Variants in TRHDE observed in about 807,000 individuals in gnomAD.
TRHDE encodes the protein thyrotropin releasing hormone degrading enzyme.
In TRHDE, 72 loss-of-function variants were observed where a neutral mutation model predicts 125.7. That is an observed-to-expected ratio of 0.57 (90% confidence interval 0.47 to 0.70). The LOEUF (loss-of-function observed/expected upper bound fraction) is 0.70, where lower values mean the gene tolerates loss of function less well. Ranked by LOEUF, TRHDE falls within the 30% of genes least tolerant of loss-of-function variation. The probability of loss-of-function intolerance (pLI) is 0.00; values close to 1 mark genes in which losing one functional copy is unlikely to be tolerated. For missense variants in TRHDE, 1,110 were observed against 1,327.1 expected (o/e 0.84, Z 2.54); for synonymous variants, 509 against 509.1 (o/e 1.00, Z 0.00).
Position 72,512,464 on chromosome 12 carries a change from T to TA in TRHDE, c.1722+12829_1722+12830insA, listed in dbSNP as rs1491588291. On this transcript the variant is annotated intron_variant, in intron 6 of 18. Transcript: ENST00000261180. Reference sequence around the variant, plus strand: ...GTTATAATTATATAATTATAATATATTATATAGTTATAATTATATAATAAT... The same window carrying TA: ...GTTATAATTATATAATTATAATATATATATATAGTTATAATTATATAATAAT... 7.4e-3 allele frequency among the ~76,000 whole-genome samples: 1,039 copies of TA among 140,046 alleles called. 19 individuals carry two copies. Among genetic ancestry groups the TA allele is most frequent in the African/African-American group, 0.025 (973 of 38,178 alleles). The allele number at this position is 140,046 out of a possible 152,430, so 91.9% of individuals were successfully genotyped here.
In TRHDE at chr12:72,105,434, G is replaced by A. The variant is rs1875164598; in HGVS notation, n.175-214G>A. Among the ~76,000 whole-genome samples the A allele has an allele frequency of 4.6e-5, 7 of 152,150 alleles. No individual in the cohort carries two copies. The South Asian group carries it at 1.4e-3, about 31-fold the overall frequency. ...GAGCAGAGCTGGTCTGTGTTTGGGA[G>A]TAGAAAGAAAGTGGAGGAAAAGTAA... On this transcript the variant is annotated intron_variant and non_coding_transcript_variant, in intron 1 of 4. Coordinates refer to the TRHDE transcript ENST00000548156.
chr12:72,362,877 A>G (rs1454312862), intron 2 of TRHDE, among the ~76,000 whole-genome samples: 5 of 151,992 alleles, frequency 3.3e-5, no homozygotes, highest in Non-Finnish European at 5.9e-5. Context: ...ATAGTTGTAG[A>G]TACGCGACAT....
At chr12:72,188,421 A>C (rs1877271040) in intron 2 of TRHDE, among the ~76,000 whole-genome samples, 1 of 152,266 alleles carries the variant, frequency 6.6e-6, no homozygotes, top group African/African-American at 2.4e-5. Flanking sequence ...CTCAGCTATC[A>C]AGATCTGTTT....
At chr12:72,346,170 G>A (rs1870320039) in intron 2 of TRHDE, among the ~76,000 whole-genome samples, 1 of 152,026 alleles carries the variant, frequency 6.6e-6, no homozygotes, top group African/African-American at 2.4e-5. Flanking sequence ...TGGACGTTGA[G>A]GCCTGTTGTG....
At chr12:72,475,988 C>T (rs1015794998) in intron 5 of TRHDE, among the ~76,000 whole-genome samples, 1 of 152,096 alleles carries the variant, frequency 6.6e-6, no homozygotes, top group Non-Finnish European at 1.5e-5. Flanking sequence ...ACGATCTTGG[C>T]TCACTGCAAT....
chr12:72,662,783 C>T (rs1279101903), intron 18 of TRHDE, among the ~76,000 whole-genome samples: 1 of 152,066 alleles, frequency 6.6e-6, no homozygotes, highest in Non-Finnish European at 1.5e-5. Flanking sequence ...AAACATGAAG[C>T]TGAATTTGGA....
intron 2 of TRHDE, among the ~76,000 whole-genome samples, chr12:72,337,995 A>T (rs1466973718): frequency 1.5e-5 from 1 of 66,150 alleles, no homozygotes; most frequent in African/African-American, 4.1e-5. Flanking sequence ...AGAACTCGGA[A>T]AAAAAAGCAA....
Position 72,668,402 on chromosome 12 carries a change from T to C in TRHDE, c.*5207T>C, listed in dbSNP as rs1875172493. ...GGTTTTTCACCACTGGCCCCACTAG[T>C]AGATGATTTTACCCCAGATTTTGAA... On this transcript the variant is annotated 3_prime_UTR_variant, in exon 19 of 19. Coordinates refer to ENST00000261180, the MANE Select transcript of TRHDE (RefSeq NM_013381.3). 6.6e-6 allele frequency: 1 copy of C among 151,710 alleles called. No individual in the cohort carries two copies. 9.4% of individuals were successfully genotyped at this position (151,710 alleles called of 1,614,324 possible). A position where few individuals can be genotyped will look rare whatever the true frequency, so the allele number is the denominator to read the frequency against.
chr12:72,409,963 AAAG>A (rs371270890), intron 3 of TRHDE, among the ~76,000 whole-genome samples: 267 of 152,220 alleles, frequency 1.8e-3, no homozygotes, highest in Non-Finnish European at 2.7e-3. Context: ...AACTATCAAA[AAAG>A]AAGTTATCAA....
At chr12:72,355,691 A>T (rs903753335) in intron 2 of TRHDE, among the ~76,000 whole-genome samples, 28 of 151,946 alleles carry the variant, frequency 1.8e-4, no homozygotes, top group African/African-American at 6.0e-4. Flanking sequence ...TCTACAAGGA[A>T]CTTAAACAAA....
intron 2 of TRHDE, chr12:72,140,008 C>T (rs1417596192): frequency 6.6e-6 from 1 of 152,108 alleles, no homozygotes; most frequent in African/African-American, 2.4e-5. Context: ...TGAAAGAGAT[C>T]GAAGTATTTT....
intron 1 of TRHDE, among the ~76,000 whole-genome samples, chr12:72,092,520 G>A (rs371730994): frequency 2.6e-5 from 4 of 152,142 alleles, no homozygotes; most frequent in Non-Finnish European, 4.4e-5. Context: ...GTCTCCATAC[G>A]CAGACAGGTC....
chr12:72,139,702 G>A (rs1464485550), intron 2 of TRHDE, among the ~76,000 whole-genome samples: 1 of 152,116 alleles, frequency 6.6e-6, no homozygotes, highest in African/African-American at 2.4e-5. Context: ...CTAAAGTATT[G>A]CTGGATCAGT....
intron 2 of TRHDE, among the ~76,000 whole-genome samples, chr12:72,288,531 A>G (rs1184596487): frequency 6.6e-6 from 1 of 152,144 alleles, no homozygotes; most frequent in Non-Finnish European, 1.5e-5. Context: ...GATGTCTTCT[A>G]TGGGCATTTC....
chr12:72,613,890 G>A (rs1157779673), intron 12 of TRHDE, among the ~76,000 whole-genome samples: 1 of 152,098 alleles, frequency 6.6e-6, no homozygotes, highest in East Asian at 1.9e-4. Flanking sequence ...TAAGAAAAGA[G>A]GTTTAATTGG....
intron 12 of TRHDE, among the ~76,000 whole-genome samples, chr12:72,606,578 T>C (rs1364741932): frequency 6.6e-6 from 1 of 152,174 alleles, no homozygotes; most frequent in Non-Finnish European, 1.5e-5. Context: ...ACTAAAATGG[T>C]CACCTTTCTT....
At chr12:72,540,739 T>C (rs960625628) in intron 6 of TRHDE, among the ~76,000 whole-genome samples, 10 of 151,660 alleles carry the variant, frequency 6.6e-5, no homozygotes, top group Non-Finnish European at 7.4e-5. Flanking sequence ...AGTCCTCAGA[T>C]TGAATCATAA....
chr12:72,154,225 CT>C (rs1411078832), intron 2 of TRHDE, among the ~76,000 whole-genome samples: 2 of 151,936 alleles, frequency 1.3e-5, no homozygotes, highest in South Asian at 2.1e-4. Flanking sequence ...CAACCCCTGC[CT>C]TTTTTTGTTT....
intron 2 of TRHDE, among the ~76,000 whole-genome samples, chr12:72,209,356 G>A (rs1218053982): frequency 1.3e-5 from 2 of 152,182 alleles, no homozygotes; most frequent in Non-Finnish European, 2.9e-5. Flanking sequence ...AATGTAATGG[G>A]AGATGGCAGG....
Sources: gnomAD v4.1 joint callset for allele counts (sites outside exome capture counted in the v4.1 genomes callset) on GRCh38, gnomAD v4.1.1 for gene constraint, MANE v1.5 for transcripts, NCBI Gene and HGNC (gene_info 2026-07-23, HGNC 2026-07-21) for gene names.